Variants in DENND4B observed in about 807,000 individuals in gnomAD.
The protein encoded by DENND4B is DENN domain containing 4B.
Under a neutral mutation model 161.0 loss-of-function variants are expected in DENND4B, and 67 were observed. The ratio of observed to expected loss-of-function variants is 0.42; its 90% CI spans 0.34 to 0.51. DENND4B has a LOEUF of 0.51. Among genes scored for constraint, DENND4B ranks in the 20% least tolerant of loss-of-function variants. The pLI, the probability that DENND4B is intolerant of heterozygous loss-of-function variation, is 0.08. For synonymous variants in DENND4B, 753 were observed against 813.8 expected, an observed-to-expected ratio of 0.93 and a Z score of 1.27; for missense variants, 1,481 against 1,968.0, an observed-to-expected ratio of 0.75 and a Z score of 4.68.
At position 153,933,312 on chromosome 1, in the gene DENND4B, G is replaced by A. The variant is rs140897441; in HGVS notation, c.3338C>T (p.Ala1113Val). ...RPGSTASESSASLGSEWDLSE... is the reference protein window; with the variant it reads ...RPGSTASESSVSLGSEWDLSE... Reference sequence around the variant, plus strand: ...GAGGTCCCACTCACTGCCCAGAGAGGCTGAGCTCTACCATGACATGAGAAA... The same window carrying A: ...GAGGTCCCACTCACTGCCCAGAGAGACTGAGCTCTACCATGACATGAGAAA... Residue 1113 changes from alanine to valine, a missense_variant, in exon 21 of 28, where the codon GCC becomes GTC. Coordinates refer to ENST00000361217, the MANE Select transcript of DENND4B (RefSeq NM_014856.3). The surrounding 1 kb of genome is among the most constrained non-coding windows in gnomAD (Gnocchi z 5.7). The A allele has an allele frequency of 1.2e-4, 193 of 1,613,432 alleles. 1 individual carries two copies. The African/African-American group carries it at 2.1e-3, about 18-fold the overall frequency.
Position 153,937,763 on chromosome 1 carries a change from G to A in DENND4B, c.2066C>T (p.Pro689Leu), listed in dbSNP as rs760516462. ...LTVFITPPEE[P>L]ALPEGSESTP... ...GGATTCACTGCCCTCTGGTAAGGCAGGCTCCTCGGGAGGTGTGATAAAGAC... is the reference window on the plus strand; with the variant it reads ...GGATTCACTGCCCTCTGGTAAGGCAAGCTCCTCGGGAGGTGTGATAAAGAC... Residue 689 changes from proline (P) to leucine (L), a missense_variant, in exon 14 of 28, where the codon CCT (proline) becomes CTT (leucine). Physicochemically the swap from Pro to Leu is moderately conservative, Grantham distance 98. Transcript: ENST00000361217. This position sits in a 1 kb window ranked among gnomAD's most constrained non-coding sequence, Gnocchi z 4.7. 6 of 1,614,030 alleles carry A rather than the reference G, an allele frequency of 3.7e-6. No homozygotes were observed. The highest frequency in any genetic ancestry group is 1.6e-4 in the Middle Eastern group (1 of 6,062).
In DENND4B at chr1:153,930,710, G is replaced by A; in HGVS notation, c.4262C>T (p.Thr1421Ile). ...LLLETLGPPP[T>I]GLHLQRGIYR... ...ACCATACCTCTGCAGGTGCAGGCCA[G>A]TGGGTGGGGGCCCTAGAGTTTCCAG... The change falls in exon 26 of 28, where the codon ACT (threonine) becomes ATT (isoleucine). Residue 1421 changes from threonine to isoleucine, a missense_variant. Around this residue, in one of 3 missense-constraint regions of DENND4B, gnomAD observed 336 missense variants for 503.3 expected, o/e 0.67. Coordinates refer to ENST00000361217, the MANE Select transcript of DENND4B (RefSeq NM_014856.3). The surrounding 1 kb of genome is among the most constrained non-coding windows in gnomAD (Gnocchi z 4.7). The A allele has an allele frequency of 1.9e-6, 3 of 1,612,244 alleles. No individual in the cohort carries two copies. The highest frequency in any genetic ancestry group is 2.5e-6 in the Non-Finnish European group (3 of 1,178,970).
Position 153,942,047 on chromosome 1 carries a change from G to T in DENND4B, c.877C>A (p.Arg293=). 6.2e-7 allele frequency: 1 copy of T among 1,611,618 alleles called. No individual in the cohort carries two copies. The highest frequency in any genetic ancestry group is 8.5e-7 in the Non-Finnish European group (1 of 1,178,942). The change falls in exon 6 of 28, where the codon CGG becomes AGG. Residue 293 remains arginine (R), a synonymous_variant. Transcript: ENST00000361217. The surrounding 1 kb of genome is among the most constrained non-coding windows in gnomAD (Gnocchi z 6.9). The part of the protein sequence containing the change: ...PRARLSERQA[R]ALGLLSAVER... ...ACGGCGCTCAGCAGGCCCAGTGCCC[G>T]TGCCTGTCGCTCTGATAGCCTGGCC...
Position 153,942,659 on chromosome 1 carries a change from A to G in DENND4B, c.571-34T>C, listed in dbSNP as rs1161564194. ...GAAATGGCAAGAGACAAGCAGATAC[A>G]TAGCTAACAAAGGTTTCTGGGGTCC... On this transcript the variant is annotated intron_variant, in intron 3 of 27. Transcript: ENST00000361217. This position sits in a 1 kb window ranked among gnomAD's most constrained non-coding sequence, Gnocchi z 6.9. 3.2e-6 allele frequency: 5 copies of G among 1,554,402 alleles called. No individual in the cohort carries two copies. Among genetic ancestry groups the G allele is most frequent in the East Asian group, 2.3e-5 (1 of 42,712 alleles).
In DENND4B at chr1:153,933,888, A is replaced by C. The variant is rs747511451; in HGVS notation, c.2942-17T>G. ...CCTCTATCACTGCAGCACAGAAAAG[A>C]ATGAGGGAAGATGGACCCCAGCCTC... On this transcript the variant is annotated splice_polypyrimidine_tract_variant and intron_variant, in intron 19 of 27. Transcript: ENST00000361217. The surrounding 1 kb of genome is among the most constrained non-coding windows in gnomAD (Gnocchi z 5.7). The C allele has an allele frequency of 1.8e-5, 28 of 1,599,380 alleles. No homozygotes were observed. The highest frequency in any genetic ancestry group is 2.3e-5 in the Non-Finnish European group (27 of 1,176,220).
rs1245785833 is a variant in DENND4B, at chr1:153,930,442, A to G, written c.4346T>C (p.Val1449Ala). Residue 1449 changes from valine to alanine, a missense_variant and splice_region_variant, in exon 28 of 28, where the codon GTG becomes GCG. By Grantham distance (64) the Val-to-Ala change is moderately conservative. Coordinates refer to ENST00000361217, the MANE Select transcript of DENND4B (RefSeq NM_014856.3). The surrounding 1 kb of genome is among the most constrained non-coding windows in gnomAD (Gnocchi z 4.7). Reference sequence around the variant, plus strand: ...AGACTTGTACTTCTTATCGAAGGCCACTAGGGAAGAAGGTGGAAGTCAACA... The same window carrying G: ...AGACTTGTACTTCTTATCGAAGGCCGCTAGGGAAGAAGGTGGAAGTCAACA... ...AALGKDHVDI[V>A]AFDKKYKSAF... The G allele has an allele frequency of 1.2e-6, 2 of 1,613,782 alleles. No homozygotes were observed. The highest frequency in any genetic ancestry group is 8.5e-7 in the Non-Finnish European group (1 of 1,179,830).
In DENND4B at chr1:153,930,300, G is replaced by C; in HGVS notation, c.4488C>G (p.Cys1496Trp). ...TGGAGAGGGAAGCTTAAGGTCTCTA[G>C]CATTCTGGAGGTGCTCCAAAACATT... is the stretch of plus-strand genomic sequence containing the variant. The part of the protein sequence containing the change: ...CRKCFGAPPE[C>W] The change falls in exon 28 of 28, where the codon TGC (cysteine) becomes TGG (tryptophan). Residue 1496 changes from cysteine to tryptophan, a missense_variant. Coordinates refer to ENST00000361217, the MANE Select transcript of DENND4B (RefSeq NM_014856.3). This position sits in a 1 kb window ranked among gnomAD's most constrained non-coding sequence, Gnocchi z 4.7. 6.2e-7 allele frequency: 1 copy of C among 1,613,410 alleles called. No homozygotes were observed. Among genetic ancestry groups the C allele is most frequent in the Non-Finnish European group, 8.5e-7 (1 of 1,179,442 alleles).
chr1:153,946,504 C>G lies in DENND4B; in HGVS notation c.-227G>C, dbSNP rs1273977902. Reference sequence around the variant, plus strand: ...GCAGTGGAAGGAGATCCGGGCGGTCCCCGCGTCCCCGCCGCGCTGCGCCAC... The same window carrying G: ...GCAGTGGAAGGAGATCCGGGCGGTCGCCGCGTCCCCGCCGCGCTGCGCCAC... On this transcript the variant is annotated 5_prime_UTR_variant, in exon 1 of 28. Coordinates refer to ENST00000361217, the MANE Select transcript of DENND4B (RefSeq NM_014856.3). The surrounding 1 kb of genome is among the most constrained non-coding windows in gnomAD (Gnocchi z 6.3). 4 of 389,740 alleles carry G rather than the reference C, an allele frequency of 1.0e-5. No individual in the cohort carries two copies. Among genetic ancestry groups the G allele is most frequent in the Non-Finnish European group, 1.4e-5 (3 of 220,274 alleles). The allele number at this position is 389,740 out of a possible 1,614,324, so 24.1% of individuals were successfully genotyped here.
chr1:153,945,435 G>A (rs545023393), intron 1 of DENND4B, among the ~76,000 whole-genome samples: 1 of 152,110 alleles, frequency 6.6e-6, no homozygotes, highest in Admixed American at 6.6e-5. Flanking sequence ...GCAAGGCAGA[G>A]GAGGCTCAGA....
intron 17 of DENND4B, chr1:153,935,805 G>A (rs994819034): frequency 4.4e-6 from 2 of 450,456 alleles, no homozygotes; most frequent in Non-Finnish European, 8.3e-6. Context: ...TGTGTGATGC[G>A]TATGGACCCG....
At position 153,936,423 on chromosome 1, in the gene DENND4B, AG is replaced by A; in HGVS notation, c.2439+118del. 2.4e-6 allele frequency: 3 copies of A among 1,234,514 alleles called. No homozygotes were observed. The highest frequency in any genetic ancestry group is 3.3e-6 in the Non-Finnish European group (3 of 897,148). The allele number at this position is 1,234,514 out of a possible 1,614,324, so 76.5% of individuals were successfully genotyped here. A position where few individuals can be genotyped will look rare whatever the true frequency, so the allele number is the denominator to read the frequency against. On this transcript the variant is annotated intron_variant, in intron 16 of 27. Coordinates refer to ENST00000361217, the MANE Select transcript of DENND4B (RefSeq NM_014856.3). This position sits in a 1 kb window ranked among gnomAD's most constrained non-coding sequence, Gnocchi z 4.1. ...ACGAATGTTTATAGATAATCTGCCCAGCTCTGGGGCTCTGCAACTTCTTTCC... is the reference window on the plus strand; with the variant it reads ...ACGAATGTTTATAGATAATCTGCCCACTCTGGGGCTCTGCAACTTCTTTCC...
At chr1:153,935,708 C>A (rs891286003) in intron 17 of DENND4B, 1 of 267,808 alleles carries the variant, frequency 3.7e-6, no homozygotes, top group Non-Finnish European at 7.4e-6. Context: ...GTTACTAACT[C>A]TCTACAACCT....
At position 153,937,929 on chromosome 1, in the gene DENND4B, G is replaced by C. The variant is rs1679441428; in HGVS notation, c.1966-66C>G. ...GCATGGAGCAGAGCCAGGGTGTCTA[G>C]ACGATGGCATCTCCCAGGAAAGCTC... On this transcript the variant is annotated intron_variant, in intron 13 of 27. Transcript: ENST00000361217. The surrounding 1 kb of genome is among the most constrained non-coding windows in gnomAD (Gnocchi z 4.7). 1 of 1,600,502 alleles carries C rather than the reference G, an allele frequency of 6.2e-7. No homozygotes were observed. Among genetic ancestry groups the C allele is most frequent in the Non-Finnish European group, 8.5e-7 (1 of 1,171,528 alleles).
At chr1:153,941,163 C>A in intron 8 of DENND4B, 68 bp downstream of exon 8, 2 of 1,595,244 alleles carry the variant, frequency 1.3e-6, no homozygotes, top group East Asian at 2.3e-5. Flanking sequence ...AACAGCTGCA[C>A]CCACCTGCCC....
rs1679242650 is a variant in DENND4B, at chr1:153,934,914, G to A, written c.2619C>T (p.Arg873=). ...GGACAACATTCCGGAGCTTGGCCCA[G>A]CGCAGACGCCCACCTGGTGTGCCAG... ...WPSGTPGGRL[R]WAKLRNVVLG... The change falls in exon 18 of 28, where the codon CGC becomes CGT. Residue 873 remains arginine (R), a synonymous_variant. Transcript: ENST00000361217. The surrounding 1 kb of genome is among the most constrained non-coding windows in gnomAD (Gnocchi z 5.3). 2 of 1,613,300 alleles carry A rather than the reference G, an allele frequency of 1.2e-6. No individual in the cohort carries two copies. Among genetic ancestry groups the A allele is most frequent in the African/African-American group, 2.7e-5 (2 of 74,920 alleles).
chr1:153,930,992 C>T lies in DENND4B; in HGVS notation c.4069G>A (p.Asp1357Asn), dbSNP rs2101996558. ...TAGAGAGGTGGGCAGCTATTGGGGT[C>T]AGGGGTCAGTACATCCCACAGCAGC... ...VRLLWDVLTP[D>N]PNSCPPLYVL... The change falls in exon 25 of 28, where the codon GAC becomes AAC. Residue 1357 changes from aspartate (D) to asparagine (N), a missense_variant. By Grantham distance (23) the Asp-to-Asn change is conservative (BLOSUM62 1). This residue lies in a region of DENND4B where 336 missense variants were observed against 503.3 expected (regional missense o/e 0.67). Transcript: ENST00000361217. This position sits in a 1 kb window ranked among gnomAD's most constrained non-coding sequence, Gnocchi z 4.7. 6.2e-7 allele frequency: 1 copy of T among 1,609,472 alleles called. No homozygotes were observed. Among genetic ancestry groups the T allele is most frequent in the Non-Finnish European group, 8.5e-7 (1 of 1,178,120 alleles).
At chr1:153,939,142 C>A in intron 12 of DENND4B, 97 bp from the exon 13 acceptor site, 1 of 1,451,718 alleles carries the variant, frequency 6.9e-7, no homozygotes, top group Non-Finnish European at 9.3e-7. Context: ...CCTGCCCACT[C>A]AGGCCCAAAG....
rs1175388289 is a variant in DENND4B at position 153,946,314 on chromosome 1, CCCGG to C, written c.-41_-38del. The C allele has an allele frequency of 2.8e-6, 1 of 360,226 alleles. No individual in the cohort carries two copies. The highest frequency in any genetic ancestry group is 5.0e-6 in the Non-Finnish European group (1 of 201,080). The allele number at this position is 360,226 out of a possible 1,614,324, so 22.3% of individuals were successfully genotyped here. On this transcript the variant is annotated 5_prime_UTR_variant, in exon 1 of 28. Transcript: ENST00000361217. The surrounding 1 kb of genome is among the most constrained non-coding windows in gnomAD (Gnocchi z 6.3). ...GCCCCTACCTGCCTGTCCCGCGCTTCCCGGCCGGCCGGCCCGCTGGCGGGTGGCT... is the reference window on the plus strand; with the variant it reads ...GCCCCTACCTGCCTGTCCCGCGCTTCCCGGCCGGCCCGCTGGCGGGTGGCT...
chr1:153,943,588 G>T (rs1218447507), intron 2 of DENND4B, among the ~76,000 whole-genome samples: 1 of 147,654 alleles, frequency 6.8e-6, no homozygotes. Flanking sequence ...TGAGGCAGGA[G>T]AATTGCCTGA....
Sources: gnomAD v4.1 joint callset for allele counts (sites outside exome capture counted in the v4.1 genomes callset) on GRCh38, gnomAD v4.1.1 for gene constraint, gnomAD v4.1.1 regional missense constraint, Gnocchi (gnomAD v3.1) non-coding constraint, MANE v1.5 for transcripts, NCBI Gene and HGNC (gene_info 2026-07-23, HGNC 2026-07-21) for gene names.